The following CASZ1 variants were observed in gnomAD, a reference collection of about 807,000 sequenced individuals.
CASZ1 encodes the protein castor zinc finger 1.
CASZ1 carries 28 observed loss-of-function variants against 135.2 expected under a neutral mutation model. The ratio of observed to expected loss-of-function variants is 0.21; its 90% confidence interval spans 0.15 to 0.28. The LOEUF is 0.28. Ranked by LOEUF, CASZ1 falls within the 10% of genes least tolerant of loss-of-function variation. The probability of loss-of-function intolerance (pLI) is 1.00; values close to 1 mark genes in which losing one functional copy is unlikely to be tolerated. For synonymous variants in CASZ1, 1,068 were observed against 1,073.4 expected (o/e 0.99, Z 0.10); for missense variants, 2,161 against 2,453.3 (o/e 0.88, Z 2.52).
chr1:10,766,291 A>G (rs767559824), intron 1 of CASZ1, among the ~76,000 whole-genome samples: 1 of 152,212 alleles, frequency 6.6e-6, no homozygotes, highest in Non-Finnish European at 1.5e-5. Context: ...CAAACTCTGG[A>G]ACCAGACTGC....
At chr1:10,758,331 T>C (rs867871730) in intron 2 of CASZ1, among the ~76,000 whole-genome samples, 40,275 of 84,760 alleles carry the variant, frequency 0.48, 8,079 homozygotes, top group Non-Finnish European at 0.62. Flanking sequence ...TCTCTCTCTT[T>C]TTTTTTTTTT....
rs1054654992 is a variant in CASZ1 at position 10,711,558 on chromosome 1, T to C, written c.-76-6014A>G. Among the ~76,000 whole-genome samples the C allele has an allele frequency of 7.6e-6, 1 of 131,496 alleles. No individual in the cohort carries two copies. The highest frequency in any genetic ancestry group is 1.6e-5 in the Non-Finnish European group (1 of 61,790). The allele number at this position is 131,496 out of a possible 152,430, so 86.3% of individuals were successfully genotyped here. A position where few individuals can be genotyped will look rare whatever the true frequency, so the allele number is the denominator to read the frequency against. ...TGGTGCAATTCCATTCCCAGGCATA[T>C]ACCAGAAAAAATGGAAAACAGGTAC... On this transcript the variant is annotated intron_variant, in intron 2 of 20. Coordinates refer to ENST00000377022, the MANE Select transcript of CASZ1 (RefSeq NM_001079843.3). This position sits in a 1 kb window ranked among gnomAD's most constrained non-coding sequence, Gnocchi z 4.4.
Position 10,735,496 on chromosome 1 carries a change from C to T in CASZ1, c.-77+25205G>A, listed in dbSNP as rs970057003. ...TGCAGGCTCAGCCAGCTCCACGCAGCGCCAGGGCTGTCCCCAAAGTTTGGA... is the reference window on the plus strand; with the variant it reads ...TGCAGGCTCAGCCAGCTCCACGCAGTGCCAGGGCTGTCCCCAAAGTTTGGA... On this transcript the variant is annotated intron_variant, in intron 2 of 20. Coordinates refer to ENST00000377022, the MANE Select transcript of CASZ1 (RefSeq NM_001079843.3). The surrounding 1 kb of genome is among the most constrained non-coding windows in gnomAD (Gnocchi z 5.1). Among the ~76,000 whole-genome samples the T allele has an allele frequency of 2.6e-5, 4 of 152,218 alleles. No individual in the cohort carries two copies. Among genetic ancestry groups the T allele is most frequent in the South Asian group, 2.1e-4 (1 of 4,816 alleles).
intron 1 of CASZ1, among the ~76,000 whole-genome samples, chr1:10,769,718 T>C (rs548404406): frequency 3.5e-4 from 54 of 152,306 alleles, no homozygotes; most frequent in African/African-American, 1.2e-3. Flanking sequence ...GGTTTCGCCA[T>C]GTTGGCCAGG....
At chr1:10,688,688 C>T (rs138326442) in intron 4 of CASZ1, among the ~76,000 whole-genome samples, 7 of 152,340 alleles carry the variant, frequency 4.6e-5, no homozygotes, top group African/African-American at 1.4e-4. Flanking sequence ...TTTCAGGCCT[C>T]GCCTCCCACA....
Position 10,777,363 on chromosome 1 carries a change from C to T in CASZ1, c.-233-16506G>A, listed in dbSNP as rs989649590. On this transcript the variant is annotated intron_variant, in intron 1 of 20. Coordinates refer to ENST00000377022, the MANE Select transcript of CASZ1 (RefSeq NM_001079843.3). The surrounding 1 kb of genome is among the most constrained non-coding windows in gnomAD (Gnocchi z 4.4). ...CACCTCTGACCTCTGTGACTTCACC[C>T]TTCACCCACAAGCCTCCTTTCTCTT... 1.3e-5 allele frequency among the ~76,000 whole-genome samples: 2 copies of T among 152,180 alleles called. No homozygotes were observed. Among genetic ancestry groups the T allele is most frequent in the African/African-American group, 4.8e-5 (2 of 41,444 alleles).
chr1:10,773,000 C>T (rs1640602383), intron 1 of CASZ1, among the ~76,000 whole-genome samples: 1 of 152,018 alleles, frequency 6.6e-6, no homozygotes, highest in Admixed American at 6.6e-5. Context: ...AGAATCCTGG[C>T]CCCCACTCAC....
chr1:10,689,499 G>A (rs184861400), intron 4 of CASZ1, among the ~76,000 whole-genome samples: 157 of 152,330 alleles, frequency 1.0e-3, no homozygotes, highest in African/African-American at 3.3e-3. Flanking sequence ...AGAGGAGAGT[G>A]AATGGGTTCT....
chr1:10,749,254 T>C (rs1399040939), intron 2 of CASZ1, among the ~76,000 whole-genome samples: 23 of 145,402 alleles, frequency 1.6e-4, no homozygotes, highest in Admixed American at 1.6e-3. Context: ...TTCCCCCCTA[T>C]TTTTTTTTTT....
intron 2 of CASZ1, among the ~76,000 whole-genome samples, chr1:10,712,564 G>T (rs1016098633): frequency 6.6e-6 from 1 of 152,030 alleles, no homozygotes; most frequent in African/African-American, 2.4e-5. Context: ...GGTGAGACAC[G>T]GTGACTTCAA....
Position 10,762,964 on chromosome 1 carries a change from T to C in CASZ1, c.-233-2107A>G, listed in dbSNP as rs976160870. Among the ~76,000 whole-genome samples, 2 of 152,214 alleles carry C rather than the reference T, an allele frequency of 1.3e-5. No homozygotes were observed. Among genetic ancestry groups the C allele is most frequent in the African/African-American group, 2.4e-5 (1 of 41,458 alleles). On this transcript the variant is annotated intron_variant, in intron 1 of 20. Coordinates refer to ENST00000377022, the MANE Select transcript of CASZ1 (RefSeq NM_001079843.3). This position sits in a 1 kb window ranked among gnomAD's most constrained non-coding sequence, Gnocchi z 4.1. ...GCCTGCCCAGGGCAGAGGATGCTTT[T>C]CAGCTTTGGCAGCAAGAACAACTGA...
At position 10,665,988 on chromosome 1, in the gene CASZ1, G is replaced by C. The variant is rs181418899; in HGVS notation, c.17-417C>G. On this transcript the variant is annotated intron_variant, in intron 4 of 20. Coordinates refer to ENST00000377022, the MANE Select transcript of CASZ1 (RefSeq NM_001079843.3). ...GTTAAGGAGCCGGCTATGCGGTCAG[G>C]CTGTCAAGGGACAGCGTGGCATTCC... 1.1e-4 allele frequency among the ~76,000 whole-genome samples: 16 copies of C among 152,264 alleles called. No homozygotes were observed. The East Asian group carries it at 2.9e-3, about 28-fold the overall frequency.
Position 10,657,502 on chromosome 1 carries a change from C to G in CASZ1, c.1410-766G>C, listed in dbSNP as rs976961414. Among the ~76,000 whole-genome samples, 1 of 152,166 alleles carries G rather than the reference C, an allele frequency of 6.6e-6. No individual in the cohort carries two copies. Among genetic ancestry groups the G allele is most frequent in the African/African-American group, 2.4e-5 (1 of 41,430 alleles). ...ACCCCATACTGTAATGGGAAAACCA[C>G]GTGCAAACAAATATTTAGGCTGAAG... On this transcript the variant is annotated intron_variant, in intron 7 of 20. Coordinates refer to ENST00000377022, the MANE Select transcript of CASZ1 (RefSeq NM_001079843.3). This position sits in a 1 kb window ranked among gnomAD's most constrained non-coding sequence, Gnocchi z 5.7.
intron 5 of CASZ1, among the ~76,000 whole-genome samples, chr1:10,662,267 AGT>A (rs1214236099): frequency 1.1e-4 from 15 of 135,312 alleles, no homozygotes; most frequent in Non-Finnish European, 1.4e-4. Context: ...CCCCACACAC[AGT>A]CACATGCTCA....
chr1:10,713,620 C>T (rs910453663), intron 2 of CASZ1, among the ~76,000 whole-genome samples: 1 of 152,242 alleles, frequency 6.6e-6, no homozygotes, highest in African/African-American at 2.4e-5. Context: ...AGGCCTCCAT[C>T]TGTTTCCCTC....
rs1642390881 is a variant in CASZ1, at chr1:10,647,309, G to A, written c.3497+492C>T. 1 of 1,003,736 alleles carries A rather than the reference G, an allele frequency of 1.0e-6. No individual in the cohort carries two copies. Among genetic ancestry groups the A allele is most frequent in the African/African-American group, 1.7e-5 (1 of 57,452 alleles). The allele number at this position is 1,003,736 out of a possible 1,614,324, so 62.2% of individuals were successfully genotyped here. ...CCCTGCAAGGAGCCACCACCATCCA[G>A]TGAGGAGGGTCCCTTCCACCCAAGA... is the stretch of plus-strand genomic sequence containing the variant. On this transcript the variant is annotated intron_variant, in intron 16 of 20. Coordinates refer to ENST00000377022, the MANE Select transcript of CASZ1 (RefSeq NM_001079843.3). This position sits in a 1 kb window ranked among gnomAD's most constrained non-coding sequence, Gnocchi z 4.9.
At chr1:10,649,458 G>A (rs765554852) in intron 13 of CASZ1, 21 bp from the exon 14 acceptor site, 1 of 1,594,296 alleles carries the variant, frequency 6.3e-7, no homozygotes, top group Non-Finnish European at 8.6e-7. Flanking sequence ...CAGAGGCCGA[G>A]CATGGGGCTG....
Position 10,647,870 on chromosome 1 carries a change from G to T in CASZ1, c.3428C>A (p.Pro1143His), listed in dbSNP as rs1642413843. The T allele has an allele frequency of 6.2e-7, 1 of 1,613,834 alleles. No homozygotes were observed. The highest frequency in any genetic ancestry group is 8.5e-7 in the Non-Finnish European group (1 of 1,180,032). ...GTTCTCTAGAGAAGTCGTTGCCAAG[G>T]GCGAGGCGGGCAGGTGAGGCACTGA... ...PASVPHLPAS[P>H]LATTSLENAK... Residue 1143 changes from proline (P) to histidine (H), a missense_variant, in exon 16 of 21, where the codon CCC (proline) becomes CAC (histidine). Around this residue, in one of 7 missense-constraint regions of CASZ1, gnomAD observed 349 missense variants for 460.8 expected, o/e 0.76. Coordinates refer to ENST00000377022, the MANE Select transcript of CASZ1 (RefSeq NM_001079843.3). The surrounding 1 kb of genome is among the most constrained non-coding windows in gnomAD (Gnocchi z 4.9).
intron 4 of CASZ1, among the ~76,000 whole-genome samples, chr1:10,678,117 C>T (rs1449440955): frequency 6.6e-6 from 1 of 152,168 alleles, no homozygotes; most frequent in African/African-American, 2.4e-5. Flanking sequence ...AGAGAGGCCC[C>T]GGACAGCAGG....
Sources: gnomAD v4.1 joint callset for allele counts (sites outside exome capture counted in the v4.1 genomes callset) on GRCh38, gnomAD v4.1.1 for gene constraint, gnomAD v4.1.1 regional missense constraint, Gnocchi (gnomAD v3.1) non-coding constraint, MANE v1.5 for transcripts, NCBI Gene and HGNC (gene_info 2026-07-23, HGNC 2026-07-21) for gene names.